SLC26A8: variants seen among roughly 807,000 people sequenced by gnomAD.
The protein encoded by SLC26A8 is solute carrier family 26 member 8.
SLC26A8 carries 70 observed loss-of-function variants against 105.0 expected under a neutral mutation model. The ratio of observed to expected loss-of-function variants is 0.67; its 90% CI spans 0.55 to 0.81. The LOEUF (loss-of-function observed/expected upper bound fraction) is 0.81. Among genes scored for constraint, SLC26A8 ranks in the 40% least tolerant of loss-of-function variants. The pLI, the probability that SLC26A8 is intolerant of heterozygous loss-of-function variation, is 0.00. For synonymous variants in SLC26A8, 415 were observed against 438.3 expected (o/e 0.95, Z 0.66); for missense variants, 998 against 1,181.8 (o/e 0.84, Z 2.28).
chr6:36,022,723 G>A (rs1429502881), intron 1 of SLC26A8, among the ~76,000 whole-genome samples: 3 of 151,894 alleles, frequency 2.0e-5, no homozygotes, highest in Non-Finnish European at 2.9e-5. Flanking sequence ...TAAACGCATG[G>A]TTTCCTTATT....
intron 4 of SLC26A8, among the ~76,000 whole-genome samples, 195 bp downstream of exon 4, chr6:35,999,797 T>C (rs1371703514): frequency 6.6e-6 from 1 of 152,204 alleles, no homozygotes; most frequent in Non-Finnish European, 1.5e-5. Flanking sequence ...TGCTGGCCTG[T>C]TTTCTGGTGT....
At chr6:35,973,515 G>T (rs1311905185) in intron 10 of SLC26A8, among the ~76,000 whole-genome samples, 1 of 151,850 alleles carries the variant, frequency 6.6e-6, no homozygotes, top group Non-Finnish European at 1.5e-5. Context: ...ACAAAAATTC[G>T]TAAACTTTCT....
chr6:35,992,784 C>T (rs1258710055), intron 5 of SLC26A8, 110 bp from the exon 6 acceptor site: 1 of 1,114,708 alleles, frequency 9.0e-7, no homozygotes, highest in African/African-American at 1.6e-5. Flanking sequence ...TAAGATAGGC[C>T]CCTTTGGTAA....
In SLC26A8 at chr6:36,024,512, T is replaced by C. The variant is rs1385286082; in HGVS notation, c.-11A>G. On this transcript the variant is annotated 5_prime_UTR_variant, in exon 1 of 20. Transcript: ENST00000490799. ...TCCCAGCAGCGGCTCACCTGGCTCC[T>C]TGGCGGGGGCGGGAGTGCGGGCGCT... is the stretch of plus-strand genomic sequence containing the variant. 5 of 442,272 alleles carry C rather than the reference T, an allele frequency of 1.1e-5. No homozygotes were observed. The highest frequency in any genetic ancestry group is 2.1e-5 in the African/African-American group (1 of 48,568). 27.4% of individuals were successfully genotyped at this position (442,272 alleles called of 1,614,324 possible). A position where few individuals can be genotyped will look rare whatever the true frequency, so the allele number is the denominator to read the frequency against.
intron 3 of SLC26A8, among the ~76,000 whole-genome samples, chr6:36,003,082 T>C (rs1761572430): frequency 6.6e-6 from 1 of 152,226 alleles, no homozygotes; most frequent in South Asian, 2.1e-4. Context: ...GGTCTTTTCC[T>C]TTGGGCTTTT....
intron 19 of SLC26A8, among the ~76,000 whole-genome samples, chr6:35,950,663 C>T (rs563928931): frequency 2.6e-5 from 4 of 152,150 alleles, no homozygotes; most frequent in African/African-American, 9.7e-5. Context: ...TTGAGTAAAT[C>T]TCATACCACA....
chr6:35,962,455 TG>T lies in SLC26A8; in HGVS notation c.1461+70del. 12 of 1,256,528 alleles carry T rather than the reference TG, an allele frequency of 9.6e-6. No homozygotes were observed. The South Asian group carries it at 1.5e-4, about 15-fold the overall frequency. 77.8% of individuals were successfully genotyped at this position (1,256,528 alleles called of 1,614,324 possible). A position where few individuals can be genotyped will look rare whatever the true frequency, so the allele number is the denominator to read the frequency against. ...CTTTAGGTCCATGGCAGATCTCTTT[TG>T]TTTGTTCTTTCTCCCTCTCTCCAAC... On this transcript the variant is annotated intron_variant, in intron 12 of 19. Coordinates refer to ENST00000490799, the MANE Select transcript of SLC26A8 (RefSeq NM_052961.4).
intron 1 of SLC26A8, among the ~76,000 whole-genome samples, 177 bp from the exon 2 acceptor site, chr6:36,019,886 C>T (rs560085741): frequency 6.6e-6 from 1 of 152,280 alleles, no homozygotes; most frequent in East Asian, 1.9e-4. Context: ...TTTCATTTTT[C>T]AAATGGAGAC....
chr6:36,007,820 T>A (rs1285363377), intron 3 of SLC26A8, among the ~76,000 whole-genome samples: 1 of 152,106 alleles, frequency 6.6e-6, no homozygotes, highest in Admixed American at 6.6e-5. Flanking sequence ...TGGAGGATAT[T>A]CTTTAAAAAT....
At chr6:35,955,653 G>T (rs188805901) in intron 16 of SLC26A8, 133 bp from the exon 17 acceptor site, 2 of 1,182,034 alleles carry the variant, frequency 1.7e-6, no homozygotes, top group East Asian at 2.4e-5. Flanking sequence ...AGTAGGTACT[G>T]TGCATTTTTT....
chr6:36,012,726 C>T (rs528587977), intron 2 of SLC26A8, among the ~76,000 whole-genome samples: 14 of 152,284 alleles, frequency 9.2e-5, no homozygotes, highest in African/African-American at 3.1e-4. Flanking sequence ...AGAACTAAGC[C>T]ATATACGTCC....
At chr6:35,956,475 C>T (rs1038001411) in intron 16 of SLC26A8, among the ~76,000 whole-genome samples, 1 of 151,324 alleles carries the variant, frequency 6.6e-6, no homozygotes, top group Non-Finnish European at 1.5e-5. Context: ...CTGTCTTTAC[C>T]ACTGCTGTCA....
chr6:36,015,174 C>T (rs1355090118), intron 2 of SLC26A8, among the ~76,000 whole-genome samples: 1 of 149,268 alleles, frequency 6.7e-6, no homozygotes, highest in Non-Finnish European at 1.5e-5. Context: ...GTGGCGCAAT[C>T]CCAGCTCACT....
At chr6:36,006,617 G>T (rs1428872804) in intron 3 of SLC26A8, among the ~76,000 whole-genome samples, 1 of 152,148 alleles carries the variant, frequency 6.6e-6, no homozygotes, top group East Asian at 1.9e-4. Flanking sequence ...GGGGCTCATA[G>T]TTAAAGCATC....
In SLC26A8 at chr6:35,955,453, C is replaced by T. The variant is rs747461096; in HGVS notation, c.1931G>A (p.Cys644Tyr). ...TGTGTTCATGCTCTCAAAATGTGAG[C>T]AGTGAATCAGGTTAATGGAGGATGC... ...PEASSINLIH[C>Y]SHFESMNTSQ... The change falls in exon 17 of 20, where the codon TGC becomes TAC. Residue 644 changes from cysteine to tyrosine, a missense_variant. Transcript: ENST00000490799. The T allele has an allele frequency of 5.6e-6, 9 of 1,614,022 alleles. No homozygotes were observed.
intron 3 of SLC26A8, among the ~76,000 whole-genome samples, chr6:36,011,266 TA>T (rs1761849336): frequency 6.6e-6 from 1 of 152,174 alleles, no homozygotes; most frequent in Admixed American, 6.5e-5. Flanking sequence ...TTGCTTATGG[TA>T]AAAATGAACC....
chr6:35,996,018 C>G (rs988210749), intron 5 of SLC26A8, among the ~76,000 whole-genome samples: 1 of 152,172 alleles, frequency 6.6e-6, no homozygotes, highest in Non-Finnish European at 1.5e-5. Context: ...CTAATTATAA[C>G]TTATTGATGC....
chr6:35,982,253 T>C (rs781766433), intron 7 of SLC26A8, 50 bp from the exon 8 acceptor site: 3 of 1,564,706 alleles, frequency 1.9e-6, no homozygotes, highest in South Asian at 1.1e-5. Flanking sequence ...TACCTAAATA[T>C]AGTGCATCGC....
intron 3 of SLC26A8, among the ~76,000 whole-genome samples, chr6:36,007,326 CAA>C (rs1425861078): frequency 6.6e-6 from 1 of 152,080 alleles, no homozygotes; most frequent in African/African-American, 2.4e-5. Context: ...TATATGCAAA[CAA>C]TGAATAATTG....
Sources: gnomAD v4.1 joint callset for allele counts (sites outside exome capture counted in the v4.1 genomes callset) on GRCh38, gnomAD v4.1.1 for gene constraint, MANE v1.5 for transcripts, NCBI Gene and HGNC (gene_info 2026-07-23, HGNC 2026-07-21) for gene names.